The following DROSHA variants were observed in gnomAD, a reference collection of about 807,000 sequenced individuals.
DROSHA encodes the protein ribonuclease 3.
In DROSHA, 56 loss-of-function variants were observed where a neutral mutation model predicts 181.9. The observed-to-expected ratio is 0.31, with a 90% CI of 0.25 to 0.38. The LOEUF is 0.38. DROSHA is among the 10% of genes least tolerant of loss of function. DROSHA has a pLI of 1.00. For synonymous variants in DROSHA, 524 were observed against 591.2 expected (o/e 0.89, Z 1.65); for missense variants, 1,218 against 1,743.5 (o/e 0.70, Z 5.37).
In DROSHA at chr5:31,409,167, A is replaced by G; in HGVS notation, c.3751-8T>C. 1 of 1,613,332 alleles carries G rather than the reference A, an allele frequency of 6.2e-7. No homozygotes were observed. Among genetic ancestry groups the G allele is most frequent in the Non-Finnish European group, 8.5e-7 (1 of 1,179,650 alleles). ...CTGATTCAAAATGAACTCCTGTGGAAGTCCCCCAAAACTATTTAGTAATGG... is the reference window on the plus strand; with the variant it reads ...CTGATTCAAAATGAACTCCTGTGGAGGTCCCCCAAAACTATTTAGTAATGG... On this transcript the variant is annotated splice_polypyrimidine_tract_variant and splice_region_variant and intron_variant, in intron 32 of 35. Transcript: ENST00000344624. This position sits in a 1 kb window ranked among gnomAD's most constrained non-coding sequence, Gnocchi z 4.0.
chr5:31,511,642 T>C (rs748878790), intron 8 of DROSHA, among the ~76,000 whole-genome samples: 59 of 151,338 alleles, frequency 3.9e-4, no homozygotes, highest in Admixed American at 1.8e-3. Context: ...TGCAGTGAGC[T>C]ATGACTATGA....
chr5:31,488,369 T>C (rs1752025613), intron 13 of DROSHA, among the ~76,000 whole-genome samples: 1 of 139,436 alleles, frequency 7.2e-6, no homozygotes, highest in African/African-American at 2.8e-5. Context: ...ACCAAGATCA[T>C]GCCACTTCAC....
In DROSHA at chr5:31,420,869, T is replaced by C. The variant is rs145705739; in HGVS notation, c.3525+403A>G. 6.4e-4 allele frequency among the ~76,000 whole-genome samples: 98 copies of C among 152,362 alleles called. No individual in the cohort carries two copies. The East Asian group carries it at 0.014, about 22-fold the overall frequency. ...AATATTTAACATGTTCTACCTTGCATTTAGTTATAGTAACTTAAGCTTTCT... is the reference window on the plus strand; with the variant it reads ...AATATTTAACATGTTCTACCTTGCACTTAGTTATAGTAACTTAAGCTTTCT... On this transcript the variant is annotated intron_variant, in intron 30 of 35. Transcript: ENST00000344624.
intron 11 of DROSHA, among the ~76,000 whole-genome samples, chr5:31,498,882 A>T (rs2150046904): frequency 6.6e-6 from 1 of 151,922 alleles, no homozygotes; most frequent in South Asian, 2.1e-4. Context: ...GAGAAAAGGC[A>T]AACAAAGCCA....
chr5:31,492,443 C>T (rs1001025624), intron 13 of DROSHA, among the ~76,000 whole-genome samples: 4 of 152,150 alleles, frequency 2.6e-5, no homozygotes, highest in East Asian at 1.9e-4. Flanking sequence ...TGTAATTTCA[C>T]GTAACCAAAC....
chr5:31,496,495 G>A (rs1019231182), intron 11 of DROSHA, among the ~76,000 whole-genome samples: 1 of 152,222 alleles, frequency 6.6e-6, no homozygotes, highest in Non-Finnish European at 1.5e-5. Flanking sequence ...TCTCCCAGCG[G>A]TGCCCCAGTC....
Position 31,492,091 on chromosome 5 carries a change from G to A in DROSHA, c.1842+1116C>T, listed in dbSNP as rs185357839. 4.1e-4 allele frequency among the ~76,000 whole-genome samples: 62 copies of A among 152,296 alleles called. No homozygotes were observed. In the Middle Eastern group the frequency reaches 0.014, roughly 33 times the overall value. ...TTACAGGCGTGAGCCACCGCACCCA[G>A]CCCATATTATTGCTTTTCTACATTA... On this transcript the variant is annotated intron_variant, in intron 13 of 35. Coordinates refer to ENST00000344624, the MANE Select transcript of DROSHA (RefSeq NM_001382508.1).
At chr5:31,497,169 GCAC>G (rs1305628184) in intron 11 of DROSHA, among the ~76,000 whole-genome samples, 4 of 152,224 alleles carry the variant, frequency 2.6e-5, no homozygotes, top group African/African-American at 9.6e-5. Context: ...TGAGGGTAGA[GCAC>G]ATCCCTGGAG....
intron 27 of DROSHA, among the ~76,000 whole-genome samples, chr5:31,425,635 G>A (rs903851160): frequency 6.6e-6 from 1 of 152,050 alleles, no homozygotes; most frequent in African/African-American, 2.4e-5. Flanking sequence ...CACTTCTGCT[G>A]CAGCACTGAC....
At position 31,498,515 on chromosome 5, in the gene DROSHA, T is replaced by C. The variant is rs977909422; in HGVS notation, c.1669-3143A>G. On this transcript the variant is annotated intron_variant, in intron 11 of 35. Coordinates refer to ENST00000344624, the MANE Select transcript of DROSHA (RefSeq NM_001382508.1). ...GAGTAAAAATCGAAAAGGTCAGAAATGAAGAAAGCATGAGAGGTGGTGGAA... is the reference window on the plus strand; with the variant it reads ...GAGTAAAAATCGAAAAGGTCAGAAACGAAGAAAGCATGAGAGGTGGTGGAA... 1.3e-5 allele frequency among the ~76,000 whole-genome samples: 2 copies of C among 152,200 alleles called. 1 individual carries two copies. The highest frequency in any genetic ancestry group is 4.2e-4 in the South Asian group (2 of 4,818).
At chr5:31,490,618 G>C (rs1752295017) in intron 13 of DROSHA, among the ~76,000 whole-genome samples, 1 of 152,130 alleles carries the variant, frequency 6.6e-6, no homozygotes, top group Non-Finnish European at 1.5e-5. Context: ...TTCAATTCAA[G>C]ACCTTAAGAG....
At chr5:31,458,578 C>T (rs1199581009) in intron 20 of DROSHA, among the ~76,000 whole-genome samples, 1 of 152,196 alleles carries the variant, frequency 6.6e-6, no homozygotes, top group Non-Finnish European at 1.5e-5. Flanking sequence ...AGAGAGTCCT[C>T]ACCACCAGCT....
chr5:31,511,254 A>G, intron 8 of DROSHA, 78 bp from the exon 9 acceptor site: 1 of 1,376,644 alleles, frequency 7.3e-7, no homozygotes, highest in Non-Finnish European at 9.9e-7. Context: ...CTCACAGGTA[A>G]TCAAAGCATT....
intron 6 of DROSHA, among the ~76,000 whole-genome samples, chr5:31,520,629 C>T (rs1336546132): frequency 6.6e-6 from 1 of 152,054 alleles, no homozygotes; most frequent in Non-Finnish European, 1.5e-5. Context: ...AATAACTGAC[C>T]CCGAATCTGT....
intron 16 of DROSHA, among the ~76,000 whole-genome samples, chr5:31,482,660 GGA>G (rs1751166220): frequency 6.6e-6 from 1 of 152,078 alleles, no homozygotes; most frequent in Non-Finnish European, 1.5e-5. Flanking sequence ...AGAACCTTGT[GGA>G]GAGAGGAAAC....
intron 35 of DROSHA, among the ~76,000 whole-genome samples, chr5:31,404,543 C>G (rs1740419294): frequency 6.6e-6 from 1 of 152,196 alleles, no homozygotes; most frequent in South Asian, 2.1e-4. Context: ...CCGCATTTTG[C>G]TGTCTCCTAC....
At chr5:31,421,095 T>C (rs930080513) in intron 30 of DROSHA, among the ~76,000 whole-genome samples, 177 bp downstream of exon 30, 5 of 152,244 alleles carry the variant, frequency 3.3e-5, no homozygotes, top group Non-Finnish European at 5.9e-5. Flanking sequence ...GAGTATAAAA[T>C]GAGCTCTCAT....
chr5:31,456,993 G>C (rs1040022665), intron 20 of DROSHA, among the ~76,000 whole-genome samples: 2 of 151,848 alleles, frequency 1.3e-5, no homozygotes, highest in Non-Finnish European at 2.9e-5. Flanking sequence ...CATCACACCT[G>C]GTCCAGACAC....
intron 4 of DROSHA, 48 bp from the exon 5 acceptor site, chr5:31,526,960 C>A: frequency 1.3e-6 from 2 of 1,528,262 alleles, no homozygotes; most frequent in East Asian, 2.4e-5. Context: ...AAAAATAATT[C>A]TTACTATGTA....
Sources: allele counts gnomAD v4.1 joint callset (sites outside exome capture counted in the v4.1 genomes callset), GRCh38; gene constraint gnomAD v4.1.1; non-coding constraint Gnocchi (gnomAD v3.1); transcripts MANE v1.5; gene names NCBI Gene and HGNC (gene_info 2026-07-23, HGNC 2026-07-21).